The following CACNA2D1 variants were observed in gnomAD, a reference collection of about 807,000 sequenced individuals.
CACNA2D1 encodes the protein voltage-dependent calcium channel subunit alpha-2/delta-1.
In CACNA2D1, 53 loss-of-function variants were observed where a neutral mutation model predicts 171.5. That is an observed-to-expected ratio of 0.31 (90% confidence interval 0.25 to 0.39). The LOEUF is 0.39. Among genes scored for constraint, CACNA2D1 ranks in the 10% least tolerant of loss-of-function variants. The pLI, the probability that CACNA2D1 is intolerant of heterozygous loss-of-function variation, is 1.00. For synonymous variants in CACNA2D1, 442 were observed against 443.1 expected, an observed-to-expected ratio of 1.00 and a Z score of 0.03; for missense variants, 903 against 1,299.8, an observed-to-expected ratio of 0.69 and a Z score of 4.69.
At chr7:82,081,151 G>A (rs1239837872) in intron 7 of CACNA2D1, among the ~76,000 whole-genome samples, 1 of 152,132 alleles carries the variant, frequency 6.6e-6, no homozygotes, top group African/African-American at 2.4e-5. Flanking sequence ...CATATGTGCT[G>A]TTGCCATTTA....
intron 28 of CACNA2D1, 44 bp from the exon 29 acceptor site, chr7:81,969,017 GAAT>G (rs1427245396): frequency 2.9e-6 from 3 of 1,051,174 alleles, no homozygotes; most frequent in Middle Eastern, 2.2e-4. Context: ...AAGATATATT[GAAT>G]AATAATATTG....
intron 4 of CACNA2D1, among the ~76,000 whole-genome samples, chr7:82,162,937 C>T (rs1237429475): frequency 6.6e-6 from 1 of 151,980 alleles, no homozygotes; most frequent in Non-Finnish European, 1.5e-5. Flanking sequence ...CTTCAATTTT[C>T]ACTGTAGTGT....
intron 11 of CACNA2D1, among the ~76,000 whole-genome samples, chr7:82,033,378 A>G (rs1384922923): frequency 2.0e-5 from 3 of 152,128 alleles, no homozygotes; most frequent in Non-Finnish European, 4.4e-5. Context: ...ATAAAATCTC[A>G]GTAGTTTATT....
At chr7:82,100,489 TTTG>T (rs141165396) in intron 6 of CACNA2D1, among the ~76,000 whole-genome samples, 3,404 of 152,246 alleles carry the variant, frequency 0.022, 47 homozygotes, top group Middle Eastern at 0.048. Flanking sequence ...CTGGATGTTA[TTTG>T]TTATGTCCAT....
At chr7:81,968,733 T>C (rs1422069479) in intron 29 of CACNA2D1, among the ~76,000 whole-genome samples, 154 bp downstream of exon 29, 1 of 151,378 alleles carries the variant, frequency 6.6e-6, no homozygotes, top group Non-Finnish European at 1.5e-5. Context: ...CAGAGGTAAC[T>C]AGTCATATTT....
chr7:81,959,420 A>T, intron 37 of CACNA2D1, 63 bp from the exon 38 acceptor site: 13 of 1,095,492 alleles, frequency 1.2e-5, no homozygotes, highest in Non-Finnish European at 1.7e-5. Context: ...AATAAATACA[A>T]TGCAATGTAT....
At position 82,224,798 on chromosome 7, in the gene CACNA2D1, C is replaced by A. The variant is rs75054675; in HGVS notation, c.295-54189G>T. On this transcript the variant is annotated intron_variant, in intron 3 of 38. Coordinates refer to ENST00000356860, the MANE Select transcript of CACNA2D1 (RefSeq NM_000722.4). ...TTCCCCTCAGCAAAGCCAAAATGTG[C>A]GATGACAGATGAAATTTCTGCTTTT... 7.9e-3 allele frequency among the ~76,000 whole-genome samples: 1,201 copies of A among 152,108 alleles called. 11 individuals are homozygous for A. Among genetic ancestry groups the A allele is most frequent in the African/African-American group, 0.027 (1,126 of 41,476 alleles).
chr7:82,363,254 C>CTTTT lies in CACNA2D1; in HGVS notation c.96-13609_96-13606dup, dbSNP rs35419275. On this transcript the variant is annotated intron_variant, in intron 1 of 38. Coordinates refer to ENST00000356860, the MANE Select transcript of CACNA2D1 (RefSeq NM_000722.4). ...CTACCATAGTTTTATTTATTTGTCT[C>CTTTT]TTTTTTTTTTTTTTTTTTTTTTTTT... 4.7e-4 allele frequency among the ~76,000 whole-genome samples: 30 copies of CTTTT among 63,430 alleles called. 2 individuals are homozygous for CTTTT. Among genetic ancestry groups the CTTTT allele is most frequent in the African/African-American group, 1.5e-3 (18 of 11,946 alleles). The allele number at this position is 63,430 out of a possible 152,430, so 41.6% of individuals were successfully genotyped here.
At chr7:82,161,818 TC>T (rs1334058781) in intron 4 of CACNA2D1, among the ~76,000 whole-genome samples, 3 of 151,938 alleles carry the variant, frequency 2.0e-5, no homozygotes, top group Non-Finnish European at 4.4e-5. Context: ...TACATGTAAA[TC>T]CAACAATATG....
At chr7:82,143,341 C>T (rs951738024) in intron 4 of CACNA2D1, among the ~76,000 whole-genome samples, 1 of 151,904 alleles carries the variant, frequency 6.6e-6, no homozygotes, top group African/African-American at 2.4e-5. Flanking sequence ...GCATGGCACA[C>T]AATATATGCC....
chr7:82,211,698 G>A (rs1430888777), intron 3 of CACNA2D1, among the ~76,000 whole-genome samples: 5 of 152,112 alleles, frequency 3.3e-5, no homozygotes, highest in African/African-American at 1.2e-4. Flanking sequence ...TGGCCAGAAT[G>A]ATTTATTTTC....
Position 82,019,986 on chromosome 7 carries a change from A to G in CACNA2D1, c.1144-5507T>C, listed in dbSNP as rs571923777. ...GGTAAAATTCTAATGTGGTTTCCATAATTCACAAATACATCAGAATCCAGA... is the reference window on the plus strand; with the variant it reads ...GGTAAAATTCTAATGTGGTTTCCATGATTCACAAATACATCAGAATCCAGA... On this transcript the variant is annotated intron_variant, in intron 12 of 38. Transcript: ENST00000356860. Among the ~76,000 whole-genome samples, 8 of 152,340 alleles carry G rather than the reference A, an allele frequency of 5.3e-5. No homozygotes were observed. The South Asian group carries it at 1.0e-3, about 20-fold the overall frequency.
intron 3 of CACNA2D1, among the ~76,000 whole-genome samples, chr7:82,323,324 G>A (rs560809164): frequency 6.6e-6 from 1 of 151,804 alleles, no homozygotes; most frequent in East Asian, 1.9e-4. Context: ...CTCACTTTGG[G>A]ATTATCTTTC....
rs542713389 is a variant in CACNA2D1 at position 82,304,893 on chromosome 7, G to A, written c.294+30242C>T. The stretch of plus-strand genomic sequence containing the variant: ...CTTGATCAGTTCCCAACACAGAAAC[G>A]GAAAATATCAATGCGACAGACACCC... On this transcript the variant is annotated intron_variant, in intron 3 of 38. Coordinates refer to ENST00000356860, the MANE Select transcript of CACNA2D1 (RefSeq NM_000722.4). Among the ~76,000 whole-genome samples, 10 of 152,104 alleles carry A rather than the reference G, an allele frequency of 6.6e-5. No homozygotes were observed. In the East Asian group the frequency reaches 1.4e-3, roughly 21 times the overall value.
intron 1 of CACNA2D1, among the ~76,000 whole-genome samples, chr7:82,373,857 A>C (rs1331159123): frequency 1.3e-5 from 2 of 152,240 alleles, no homozygotes; most frequent in Admixed American, 1.3e-4. Flanking sequence ...ATTTTAAAAC[A>C]AAAATATGCA....
intron 3 of CACNA2D1, among the ~76,000 whole-genome samples, chr7:82,203,014 C>T (rs114831794): frequency 3.9e-5 from 6 of 152,240 alleles, no homozygotes; most frequent in South Asian, 2.1e-4. Flanking sequence ...AATGCCCAAG[C>T]GGGAGAAGGA....
At chr7:82,192,373 T>C (rs1447041063) in intron 3 of CACNA2D1, among the ~76,000 whole-genome samples, 2 of 150,670 alleles carry the variant, frequency 1.3e-5, no homozygotes. Flanking sequence ...AGGCCCCAAG[T>C]TATCTAGTTA....
intron 1 of CACNA2D1, among the ~76,000 whole-genome samples, chr7:82,391,593 C>A (rs549146163): frequency 1.3e-5 from 2 of 152,254 alleles, no homozygotes; most frequent in Admixed American, 6.5e-5. Flanking sequence ...TCCAACAATA[C>A]AATTTTTTTG....
intron 3 of CACNA2D1, among the ~76,000 whole-genome samples, chr7:82,296,357 C>T (rs1812287781): frequency 6.6e-6 from 1 of 152,032 alleles, no homozygotes; most frequent in African/African-American, 2.4e-5. Context: ...GCATTTCTGA[C>T]ATCCGAATCA....
Sources: allele counts gnomAD v4.1 joint callset (sites outside exome capture counted in the v4.1 genomes callset), GRCh38; gene constraint gnomAD v4.1.1; transcripts MANE v1.5; gene names NCBI Gene and HGNC (gene_info 2026-07-23, HGNC 2026-07-21).